Variants in SLC22A23 observed in about 807,000 individuals in gnomAD.
SLC22A23 encodes the protein solute carrier family 22 member 23, also known as ion transporter protein.
SLC22A23 carries 26 observed loss-of-function variants against 61.0 expected under a neutral mutation model. The observed-to-expected ratio is 0.43, with a 90% CI of 0.31 to 0.59. SLC22A23 has a LOEUF of 0.59. SLC22A23 is among the 20% of genes least tolerant of loss of function. SLC22A23 has a pLI of 0.11. For synonymous variants in SLC22A23, 430 were observed against 413.9 expected, an observed-to-expected ratio of 1.04 and a Z score of -0.47; for missense variants, 796 against 934.7, an observed-to-expected ratio of 0.85 and a Z score of 1.94.
intron 1 of SLC22A23, chr6:3,444,740 CAT>C (rs1771796356): frequency 1.1e-6 from 1 of 946,720 alleles, no homozygotes; most frequent in South Asian, 4.9e-5. Context: ...AACTTAGACA[CAT>C]AAACCCTGTA....
chr6:3,348,254 G>C (rs1764559579), intron 3 of SLC22A23, among the ~76,000 whole-genome samples: 8 of 152,206 alleles, frequency 5.3e-5, no homozygotes, highest in Admixed American at 5.2e-4. Context: ...AGTGAGGAAG[G>C]GAATTGGTTT....
At chr6:3,438,239 C>T (rs1486555505) in intron 1 of SLC22A23, among the ~76,000 whole-genome samples, 3 of 152,224 alleles carry the variant, frequency 2.0e-5, no homozygotes, top group Non-Finnish European at 4.4e-5. Context: ...GACAGTGCTG[C>T]GATCATGTAA....
At chr6:3,311,107 G>A (rs1762346354) in intron 4 of SLC22A23, among the ~76,000 whole-genome samples, 1 of 152,216 alleles carries the variant, frequency 6.6e-6, no homozygotes, top group Non-Finnish European at 1.5e-5. Context: ...CACAGTGTCT[G>A]GGCCCCAAGG....
At chr6:3,420,913 C>T (rs1309391656) in intron 1 of SLC22A23, among the ~76,000 whole-genome samples, 6 of 151,838 alleles carry the variant, frequency 4.0e-5, no homozygotes, top group African/African-American at 7.3e-5. Flanking sequence ...TAGACCAGCC[C>T]GGCCAATATG....
In SLC22A23 at chr6:3,270,423, G is replaced by C. The variant is rs1032207191; in HGVS notation, c.*2632C>G. ...GGGGCTGTGCCCACAGGGAAGTGTT[G>C]CTGCTCTGGCAACATTTCATAAAGG... On this transcript the variant is annotated 3_prime_UTR_variant, in exon 10 of 10. Transcript: ENST00000406686. 1 of 152,382 alleles carries C rather than the reference G, an allele frequency of 6.6e-6. No homozygotes were observed. Among genetic ancestry groups the C allele is most frequent in the Non-Finnish European group, 1.5e-5 (1 of 68,064 alleles). The allele number at this position is 152,382 out of a possible 1,614,324, so 9.4% of individuals were successfully genotyped here.
intron 9 of SLC22A23, among the ~76,000 whole-genome samples, chr6:3,281,960 T>G (rs1409016500): frequency 6.6e-6 from 1 of 152,180 alleles, no homozygotes; most frequent in Non-Finnish European, 1.5e-5. Context: ...CTCAAATCTT[T>G]CCAGGTTTGC....
intron 2 of SLC22A23, among the ~76,000 whole-genome samples, chr6:3,413,591 C>A (rs1188892089): frequency 6.6e-6 from 1 of 152,222 alleles, no homozygotes; most frequent in African/African-American, 2.4e-5. Flanking sequence ...CAGTGAACAT[C>A]CCCAGACAAA....
chr6:3,289,047 A>T (rs1312168006), intron 6 of SLC22A23, among the ~76,000 whole-genome samples: 2 of 152,246 alleles, frequency 1.3e-5, no homozygotes, highest in Admixed American at 1.3e-4. Flanking sequence ...GCAACACCCC[A>T]GGTGACCTCT....
intron 2 of SLC22A23, among the ~76,000 whole-genome samples, chr6:3,412,033 T>A (rs937281728): frequency 6.6e-6 from 1 of 152,186 alleles, no homozygotes; most frequent in African/African-American, 2.4e-5. Flanking sequence ...GGGATAAGCA[T>A]CCCACATTGT....
rs904520935 is a variant in SLC22A23, at chr6:3,456,906, G to A, written c.-347C>T. On this transcript the variant is annotated 5_prime_UTR_variant, in exon 1 of 10. Transcript: ENST00000406686. This position sits in a 1 kb window ranked among gnomAD's most constrained non-coding sequence, Gnocchi z 7.1. ...CCGGACGCGGCAGGAGGAGGAGCCGGCGCCGCGCCCGGCCCGCGCCCTTGC... is the reference window on the plus strand; with the variant it reads ...CCGGACGCGGCAGGAGGAGGAGCCGACGCCGCGCCCGGCCCGCGCCCTTGC... 25 of 148,654 alleles carry A rather than the reference G, an allele frequency of 1.7e-4. No individual in the cohort carries two copies. Among genetic ancestry groups the A allele is most frequent in the African/African-American group, 5.8e-4 (24 of 41,092 alleles). 9.2% of individuals were successfully genotyped at this position (148,654 alleles called of 1,614,324 possible). A position where few individuals can be genotyped will look rare whatever the true frequency, so the allele number is the denominator to read the frequency against.
intron 3 of SLC22A23, among the ~76,000 whole-genome samples, chr6:3,365,915 C>G (rs1765779351): frequency 6.6e-6 from 1 of 152,190 alleles, no homozygotes; most frequent in African/African-American, 2.4e-5. Flanking sequence ...CTTGTCTGTT[C>G]TTCACTTAAT....
chr6:3,411,316 A>G (rs1251655269), intron 2 of SLC22A23, among the ~76,000 whole-genome samples: 2 of 152,208 alleles, frequency 1.3e-5, no homozygotes, highest in Non-Finnish European at 2.9e-5. Flanking sequence ...AAAAAGGGGG[A>G]AAAATCCAGA....
chr6:3,362,412 A>T (rs138288698), intron 3 of SLC22A23, among the ~76,000 whole-genome samples: 7,557 of 99,526 alleles, frequency 0.076, 1,057 homozygotes, highest in African/African-American at 0.24. Flanking sequence ...CACAAAAAAA[A>T]AAAATAAAAT....
In SLC22A23 at chr6:3,298,130, G is replaced by A. The variant is rs775869872; in HGVS notation, c.1171C>T (p.Arg391Cys). The change falls in exon 5 of 10, where the codon CGC becomes TGC. Residue 391 changes from arginine (R) to cysteine (C), a missense_variant. Physicochemically the swap from Arg to Cys is radical, Grantham distance 180 (BLOSUM62 -3). Coordinates refer to ENST00000406686, the MANE Select transcript of SLC22A23 (RefSeq NM_015482.2). ...TTGATGTCGCCCTCAGGGTTCATGC[G>A]ATTCTTCTGTGTGAAGTGGAGGATC... ...RLILHFTQKN[R>C]MNPEGDIKGV... is the part of the protein sequence containing the mutation. The A allele has an allele frequency of 2.0e-5, 32 of 1,585,706 alleles. No homozygotes were observed. The highest frequency in any genetic ancestry group is 1.1e-4 in the African/African-American group (8 of 72,972).
At chr6:3,348,169 C>T (rs1186418091) in intron 3 of SLC22A23, among the ~76,000 whole-genome samples, 1 of 152,212 alleles carries the variant, frequency 6.6e-6, no homozygotes, top group East Asian at 1.9e-4. Flanking sequence ...TCTTCAGTCC[C>T]AACCCTCTAA....
rs539381513 is a variant in SLC22A23, at chr6:3,332,744, T to A, written c.914-8742A>T. Among the ~76,000 whole-genome samples, 27 of 152,290 alleles carry A rather than the reference T, an allele frequency of 1.8e-4. No homozygotes were observed. The South Asian group carries it at 5.4e-3, about 30-fold the overall frequency. ...AATATCTAGTCTGTGTCCAACCTAC[T>A]CAATTACTTCAAAAAAGTCTCTTTA... On this transcript the variant is annotated intron_variant, in intron 3 of 9. Coordinates refer to ENST00000406686, the MANE Select transcript of SLC22A23 (RefSeq NM_015482.2).
intron 3 of SLC22A23, among the ~76,000 whole-genome samples, chr6:3,399,155 G>A (rs921788399): frequency 2.0e-5 from 3 of 152,182 alleles, no homozygotes; most frequent in African/African-American, 7.2e-5. Context: ...AGTGGGAGGT[G>A]GGTTCCTACA....
chr6:3,378,116 G>C (rs1259639488), intron 3 of SLC22A23: 1 of 152,230 alleles, frequency 6.6e-6, no homozygotes, highest in Admixed American at 6.5e-5. Context: ...ACTTATGACT[G>C]ATTCCTACAT....
chr6:3,291,363 C>T (rs759286414), intron 5 of SLC22A23: 7 of 152,146 alleles, frequency 4.6e-5, no homozygotes, highest in East Asian at 1.9e-4. Context: ...GTTGCTAAAC[C>T]GTAGGGATTT....
Sources: allele counts gnomAD v4.1 joint callset (sites outside exome capture counted in the v4.1 genomes callset), GRCh38; gene constraint gnomAD v4.1.1; non-coding constraint Gnocchi (gnomAD v3.1); transcripts MANE v1.5; gene names NCBI Gene and HGNC (gene_info 2026-07-23, HGNC 2026-07-21).